Variants in CREB5 observed in about 807,000 individuals in gnomAD.
The protein encoded by CREB5 is cyclic AMP-responsive element-binding protein 5.
CREB5 carries 19 observed loss-of-function variants against 57.1 expected under a neutral mutation model. The observed-to-expected ratio is 0.33, with a 90% confidence interval of 0.23 to 0.49. The LOEUF (loss-of-function observed/expected upper bound fraction) is 0.49, where lower values mean the gene tolerates loss of function less well. Ranked by LOEUF, CREB5 falls within the 20% of genes least tolerant of loss-of-function variation. The pLI, the probability that CREB5 is intolerant of heterozygous loss-of-function variation, is 0.99. For missense variants in CREB5, 579 were observed against 671.6 expected, an observed-to-expected ratio of 0.86 and a Z score of 1.52; for synonymous variants, 238 against 238.3, an observed-to-expected ratio of 1.00 and a Z score of 0.01.
intron 5 of CREB5, among the ~76,000 whole-genome samples, chr7:28,572,646 C>G (rs1409600155): frequency 6.6e-6 from 1 of 152,096 alleles, no homozygotes; most frequent in African/African-American, 2.4e-5. Flanking sequence ...TTTGGAGGCC[C>G]TTAGTATTCA....
chr7:28,555,069 C>T (rs923784834), intron 4 of CREB5, among the ~76,000 whole-genome samples: 2 of 149,270 alleles, frequency 1.3e-5, no homozygotes, highest in African/African-American at 4.9e-5. Context: ...GGACTCAGCA[C>T]ACTAGAGGTC....
intron 5 of CREB5, among the ~76,000 whole-genome samples, chr7:28,717,269 G>A (rs769334018): frequency 1.3e-5 from 2 of 151,606 alleles, no homozygotes; most frequent in African/African-American, 2.4e-5. Context: ...GTGTTGGCCA[G>A]GCTGGTCTCG....
intron 1 of CREB5, among the ~76,000 whole-genome samples, chr7:28,368,254 G>A (rs1786630512): frequency 6.6e-6 from 1 of 152,056 alleles, no homozygotes; most frequent in African/African-American, 2.4e-5. Flanking sequence ...GGGGAGGTGA[G>A]GAATGAAAAT....
chr7:28,658,095 A>G (rs1799407807), intron 5 of CREB5, among the ~76,000 whole-genome samples: 1 of 152,190 alleles, frequency 6.6e-6, no homozygotes, highest in Non-Finnish European at 1.5e-5. Flanking sequence ...TCCTTAATGC[A>G]GAGGATGCAA....
intron 1 of CREB5, among the ~76,000 whole-genome samples, chr7:28,383,376 T>C (rs1478766003): frequency 1.3e-5 from 2 of 152,148 alleles, no homozygotes; most frequent in Non-Finnish European, 2.9e-5. Flanking sequence ...TCTTGCATTG[T>C]TGTAAAGAAA....
intron 1 of CREB5, among the ~76,000 whole-genome samples, chr7:28,427,115 AG>A (rs1051457671): frequency 1.3e-5 from 2 of 152,204 alleles, no homozygotes; most frequent in Non-Finnish European, 2.9e-5. Flanking sequence ...TCAAAAATGG[AG>A]GTGAATGAAT....
intron 1 of CREB5, among the ~76,000 whole-genome samples, chr7:28,477,960 A>C (rs547426557): frequency 2.1e-4 from 32 of 152,160 alleles, no homozygotes; most frequent in Middle Eastern, 3.4e-3. Flanking sequence ...ACAAAAAGTA[A>C]AAAATTAGCT....
chr7:28,485,304 G>A (rs914390969), intron 1 of CREB5, among the ~76,000 whole-genome samples: 2 of 152,022 alleles, frequency 1.3e-5, no homozygotes, highest in Non-Finnish European at 2.9e-5. Flanking sequence ...GGCCATAAAT[G>A]TGCGTATATG....
Position 28,325,645 on chromosome 7 carries a change from C to T in CREB5, c.-25+26204C>T, listed in dbSNP as rs1387760227. On this transcript the variant is annotated intron_variant, in intron 1 of 9. Coordinates refer to the CREB5 transcript ENST00000396299. Reference sequence around the variant, plus strand: ...CATACTTCAGCCACTCTGGCCTTTTCTTTGTTCCTCTAATATGCCAAGGTC... The same window carrying T: ...CATACTTCAGCCACTCTGGCCTTTTTTTTGTTCCTCTAATATGCCAAGGTC... Among the ~76,000 whole-genome samples, 10 of 152,248 alleles carry T rather than the reference C, an allele frequency of 6.6e-5. No homozygotes were observed. In the East Asian group the frequency reaches 1.6e-3, roughly 24 times the overall value.
intron 3 of CREB5, among the ~76,000 whole-genome samples, chr7:28,504,678 A>C (rs1051493442): frequency 2.0e-5 from 3 of 152,152 alleles, no homozygotes; most frequent in African/African-American, 7.2e-5. Context: ...GGCGCTGCAT[A>C]AACACCCGTG....
At chr7:28,520,379 T>C (rs1336689800) in intron 4 of CREB5, among the ~76,000 whole-genome samples, 1 of 152,208 alleles carries the variant, frequency 6.6e-6, no homozygotes, top group Non-Finnish European at 1.5e-5. Context: ...AGTTGGGGCA[T>C]GAGGTCCAAA....
intron 7 of CREB5, among the ~76,000 whole-genome samples, chr7:28,736,830 T>C (rs1398420420): frequency 6.6e-6 from 1 of 151,490 alleles, no homozygotes; most frequent in Non-Finnish European, 1.5e-5. Flanking sequence ...CTCTCTTTTT[T>C]TTTTTTTTTT....
At chr7:28,370,982 G>T (rs1210519215) in intron 1 of CREB5, among the ~76,000 whole-genome samples, 1 of 152,214 alleles carries the variant, frequency 6.6e-6, no homozygotes, top group Admixed American at 6.5e-5. Context: ...GCCTGGGAAT[G>T]AGTTCTTCCC....
chr7:28,798,865 C>A (rs1224506529), intron 7 of CREB5, among the ~76,000 whole-genome samples: 1 of 152,192 alleles, frequency 6.6e-6, no homozygotes, highest in African/African-American at 2.4e-5. Flanking sequence ...TCCTCTCTCT[C>A]CCTTGCCTTT....
chr7:28,561,569 A>G (rs1361610091), intron 4 of CREB5, among the ~76,000 whole-genome samples: 2 of 152,344 alleles, frequency 1.3e-5, no homozygotes, highest in South Asian at 2.1e-4. Flanking sequence ...CTATTTAACA[A>G]TTGAGAAAAC....
rs149601118 is a variant in CREB5 at position 28,322,624 on chromosome 7, G to A, written c.-25+23183G>A. ...CCCCCACTCCCCGACAGGCTCTGGT[G>A]TATGATGTTCCCCTCCCTGTCTCCA... is the stretch of plus-strand genomic sequence containing the variant. On this transcript the variant is annotated intron_variant, in intron 1 of 9. Coordinates refer to the CREB5 transcript ENST00000396299. Among the ~76,000 whole-genome samples the A allele has an allele frequency of 8.6e-3, 1,298 of 150,654 alleles. 19 individuals carry two copies. Among genetic ancestry groups the A allele is most frequent in the African/African-American group, 0.03 (1,217 of 40,862 alleles).
chr7:28,355,912 T>C (rs1391769652), intron 1 of CREB5, among the ~76,000 whole-genome samples: 1 of 152,184 alleles, frequency 6.6e-6, no homozygotes, highest in Non-Finnish European at 1.5e-5. Context: ...TAATGCTACT[T>C]TCTGAAGAAA....
chr7:28,494,941 G>C lies in CREB5; in HGVS notation c.111G>C (p.Arg37Ser). The C allele has an allele frequency of 4.4e-6, 7 of 1,607,622 alleles. No homozygotes were observed. The highest frequency in any genetic ancestry group is 5.9e-6 in the Non-Finnish European group (7 of 1,178,510). ...CAGAGGACCATCTGATGATTCATAG[G>C]CACAAACATGAAATGACTTTGAAGT... The part of the protein sequence containing the change: ...FPTEDHLMIH[R>S]HKHEMTLKFP... Residue 37 changes from arginine (R) to serine (S), a missense_variant, in exon 3 of 11, where the codon AGG becomes AGC. Physicochemically the swap from Arg to Ser is moderately radical, Grantham distance 110 (BLOSUM62 -1). Transcript: ENST00000357727.
chr7:28,326,528 G>C (rs1339132306), intron 1 of CREB5, among the ~76,000 whole-genome samples: 1 of 152,118 alleles, frequency 6.6e-6, no homozygotes, highest in Admixed American at 6.5e-5. Context: ...CATTCATTCT[G>C]TCTGTTCATT....
Sources: gnomAD v4.1 joint callset for allele counts (sites outside exome capture counted in the v4.1 genomes callset) on GRCh38, gnomAD v4.1.1 for gene constraint, MANE v1.5 for transcripts, NCBI Gene and HGNC (gene_info 2026-07-23, HGNC 2026-07-21) for gene names.